The following LUZP2 variants were observed in gnomAD, a reference collection of about 807,000 sequenced individuals.
The protein encoded by LUZP2 is leucine zipper protein 2.
In LUZP2, 52 loss-of-function variants were observed where a neutral mutation model predicts 51.6. That is an observed-to-expected ratio of 1.01 (90% confidence interval 0.81 to 1.27). The LOEUF is 1.27. Ranked by LOEUF, LUZP2 falls within the 50% of genes most tolerant of loss-of-function variation. The pLI is 0.00. For synonymous variants in LUZP2, 154 were observed against 137.3 expected (o/e 1.12, Z -0.85); for missense variants, 436 against 395.4 (o/e 1.10, Z -0.87).
At chr11:24,533,058 C>A (rs1430292046) in intron 1 of LUZP2, among the ~76,000 whole-genome samples, 1 of 151,192 alleles carries the variant, frequency 6.6e-6, no homozygotes, top group Non-Finnish European at 1.5e-5. Context: ...AAAGACAGTG[C>A]TGTATAATCA....
At chr11:24,600,786 T>G (rs1267027698) in intron 1 of LUZP2, among the ~76,000 whole-genome samples, 1 of 151,660 alleles carries the variant, frequency 6.6e-6, no homozygotes, top group Non-Finnish European at 1.5e-5. Context: ...GCTCATGGTA[T>G]GCATTTGCAT....
chr11:24,715,364 T>C (rs553720869), intron 1 of LUZP2, among the ~76,000 whole-genome samples: 1 of 151,476 alleles, frequency 6.6e-6, no homozygotes, highest in Admixed American at 6.6e-5. Context: ...GAGAAATTCA[T>C]ATTCTATAGG....
At chr11:24,825,957 G>A (rs1407647689) in intron 5 of LUZP2, among the ~76,000 whole-genome samples, 1 of 151,474 alleles carries the variant, frequency 6.6e-6, no homozygotes, top group Non-Finnish European at 1.5e-5. Flanking sequence ...AGGCCGAGGC[G>A]GGTGGATCAC....
intron 1 of LUZP2, among the ~76,000 whole-genome samples, chr11:24,555,558 T>G (rs1851842104): frequency 6.6e-6 from 1 of 152,336 alleles, no homozygotes; most frequent in South Asian, 2.1e-4. Context: ...TGTCATGGAC[T>G]AGTTTAGTTC....
intron 1 of LUZP2, among the ~76,000 whole-genome samples, chr11:24,699,651 G>A (rs1274542340): frequency 8.9e-6 from 1 of 112,202 alleles, no homozygotes; most frequent in Admixed American, 1.0e-4. Context: ...CAATAGCCTT[G>A]GCCATATATA....
intron 7 of LUZP2, among the ~76,000 whole-genome samples, chr11:24,965,242 T>C (rs1855546236): frequency 6.7e-6 from 1 of 148,996 alleles, no homozygotes; most frequent in African/African-American, 2.5e-5. Flanking sequence ...ATTCTAGACA[T>C]GTAATTCAAG....
intron 1 of LUZP2, among the ~76,000 whole-genome samples, chr11:24,585,553 C>T (rs895768867): frequency 3.3e-5 from 5 of 152,070 alleles, no homozygotes; most frequent in African/African-American, 1.2e-4. Context: ...TTATCACACT[C>T]TGTTTTAAAT....
intron 1 of LUZP2, among the ~76,000 whole-genome samples, chr11:24,550,990 TTAC>T: frequency 6.6e-6 from 1 of 152,120 alleles, no homozygotes; most frequent in Admixed American, 6.6e-5. Context: ...TATACTTTAA[TTAC>T]AGAATAACAG....
At chr11:24,973,295 A>T (rs1472190246) in intron 7 of LUZP2, among the ~76,000 whole-genome samples, 1 of 146,948 alleles carries the variant, frequency 6.8e-6, no homozygotes, top group East Asian at 2.0e-4. Context: ...TATCTCCATG[A>T]TCCCATTTCT....
intron 5 of LUZP2, among the ~76,000 whole-genome samples, chr11:24,846,089 A>G (rs1026878828): frequency 6.6e-6 from 1 of 152,046 alleles, no homozygotes; most frequent in Non-Finnish European, 1.5e-5. Flanking sequence ...TTAAGAGTCA[A>G]CTGAAGGGCT....
chr11:24,833,648 A>G (rs976662862), intron 5 of LUZP2, among the ~76,000 whole-genome samples: 1 of 152,022 alleles, frequency 6.6e-6, no homozygotes, highest in Admixed American at 6.6e-5. Flanking sequence ...ATTTCAGTGT[A>G]GTGGAGCTCA....
intron 1 of LUZP2, among the ~76,000 whole-genome samples, chr11:24,638,390 T>A (rs1855174096): frequency 6.6e-6 from 1 of 151,612 alleles, no homozygotes; most frequent in African/African-American, 2.4e-5. Context: ...TGACTAAAAA[T>A]ATAGTTTTTT....
intron 1 of LUZP2, among the ~76,000 whole-genome samples, chr11:24,501,074 T>G (rs1849978949): frequency 6.6e-6 from 1 of 152,148 alleles, no homozygotes; most frequent in Non-Finnish European, 1.5e-5. Context: ...GCAACATGGG[T>G]TTGCTTCCTA....
At chr11:24,998,032 A>G (rs1263586945) in intron 9 of LUZP2, among the ~76,000 whole-genome samples, 4 of 152,266 alleles carry the variant, frequency 2.6e-5, no homozygotes, top group East Asian at 1.9e-4. Flanking sequence ...GCCTTGTAAT[A>G]TAGTTTGAAG....
chr11:24,515,234 G>T (rs1182490317), intron 1 of LUZP2, among the ~76,000 whole-genome samples: 1 of 152,100 alleles, frequency 6.6e-6, no homozygotes, highest in African/African-American at 2.4e-5. Flanking sequence ...TGCCTAGCAT[G>T]TGTGAGGTAA....
chr11:24,808,025 A>T (rs1398502831), intron 5 of LUZP2, among the ~76,000 whole-genome samples: 2 of 152,158 alleles, frequency 1.3e-5, no homozygotes, highest in African/African-American at 4.8e-5. Flanking sequence ...GCATTGTCAA[A>T]TTGATGGGAA....
At chr11:25,055,969 A>G (rs1858674863) in intron 10 of LUZP2, among the ~76,000 whole-genome samples, 1 of 152,182 alleles carries the variant, frequency 6.6e-6, no homozygotes, top group South Asian at 2.1e-4. Flanking sequence ...GCTCTCAATA[A>G]TTACTACTTT....
At chr11:24,928,196 C>A (rs1047165778) in intron 7 of LUZP2, among the ~76,000 whole-genome samples, 3 of 152,144 alleles carry the variant, frequency 2.0e-5, no homozygotes, top group South Asian at 2.1e-4. Flanking sequence ...AGCAGTTTGA[C>A]TTCCTCTTTA....
intron 9 of LUZP2, among the ~76,000 whole-genome samples, chr11:25,000,918 A>G (rs1856665982): frequency 1.3e-5 from 2 of 151,556 alleles, no homozygotes; most frequent in Non-Finnish European, 2.9e-5. Flanking sequence ...ATCTTTTGAG[A>G]GTGTGTGGTA....
Sources: gnomAD v4.1 joint callset for allele counts (sites outside exome capture counted in the v4.1 genomes callset) on GRCh38, gnomAD v4.1.1 for gene constraint, MANE v1.5 for transcripts, NCBI Gene and HGNC (gene_info 2026-07-23, HGNC 2026-07-21) for gene names.